Variants in TMEM267 observed in about 807,000 individuals in gnomAD.
TMEM267 encodes transmembrane protein C5orf28.
In TMEM267, 20 loss-of-function variants were observed where a neutral mutation model predicts 19.3. The observed-to-expected ratio is 1.04, with a 90% CI of 0.73 to 1.51. TMEM267 has a LOEUF of 1.51. Among genes scored for constraint, TMEM267 ranks in the 40% most tolerant of loss-of-function variants. The pLI is 0.00. For missense variants in TMEM267, 242 were observed against 261.9 expected, an observed-to-expected ratio of 0.92 and a Z score of 0.52; for synonymous variants, 88 against 90.3, an observed-to-expected ratio of 0.97 and a Z score of 0.15.
At chr5:43,461,382 A>G (rs1743251785) in intron 1 of TMEM267, among the ~76,000 whole-genome samples, 1 of 151,302 alleles carries the variant, frequency 6.6e-6, no homozygotes, top group African/African-American at 2.4e-5. Context: ...ATGGGAAAAA[A>G]CTCCCTCTGT....
chr5:43,476,336 C>G (rs1282632548), intron 1 of TMEM267: 1 of 152,118 alleles, frequency 6.6e-6, no homozygotes, highest in African/African-American at 2.4e-5. Context: ...CATCCACATC[C>G]AGTATCCCTG....
chr5:43,469,878 G>A lies in TMEM267; in HGVS notation c.-75+13944C>T, dbSNP rs142759604. On this transcript the variant is annotated intron_variant, in intron 1 of 2. Transcript: ENST00000397080. Reference sequence around the variant, plus strand: ...CAGTTCCACCCAATTTCACCCTGGCGATGTAAACGGATGGCTTATCTTCAC... The same window carrying A: ...CAGTTCCACCCAATTTCACCCTGGCAATGTAAACGGATGGCTTATCTTCAC... Among the ~76,000 whole-genome samples the A allele has an allele frequency of 8.7e-4, 133 of 152,254 alleles. 1 individual carries two copies. Among genetic ancestry groups the A allele is most frequent in the African/African-American group, 3.1e-3 (127 of 41,546 alleles).
intron 1 of TMEM267, among the ~76,000 whole-genome samples, chr5:43,470,823 A>C (rs1158090560): frequency 1.3e-5 from 2 of 152,184 alleles, no homozygotes; most frequent in Admixed American, 1.3e-4. Context: ...GGATGATATG[A>C]TCTTATATTT....
intron 1 of TMEM267, among the ~76,000 whole-genome samples, chr5:43,466,528 AG>A (rs1561193587): frequency 6.6e-6 from 1 of 152,230 alleles, no homozygotes; most frequent in East Asian, 1.9e-4. Context: ...CAGAAAGGAA[AG>A]GATGTTAATG....
At chr5:43,463,249 A>G (rs1205305053) in intron 1 of TMEM267, among the ~76,000 whole-genome samples, 3 of 152,228 alleles carry the variant, frequency 2.0e-5, no homozygotes, top group Non-Finnish European at 2.9e-5. Flanking sequence ...GAAGAAGTTG[A>G]ATCACTGAAT....
intron 1 of TMEM267, among the ~76,000 whole-genome samples, chr5:43,470,786 G>A (rs1328185017): frequency 2.0e-5 from 3 of 152,224 alleles, no homozygotes; most frequent in African/African-American, 7.2e-5. Context: ...AAATTGGAAA[G>A]GATGGAGTCA....
intron 1 of TMEM267, among the ~76,000 whole-genome samples, chr5:43,479,603 T>C (rs1744636839): frequency 8.8e-6 from 1 of 114,006 alleles, no homozygotes; most frequent in Admixed American, 8.1e-5. Context: ...ATCAAATTTA[T>C]TGTATAACAT....
At chr5:43,448,792 C>A (rs540076074) in intron 2 of TMEM267, among the ~76,000 whole-genome samples, 12 of 149,394 alleles carry the variant, frequency 8.0e-5, no homozygotes, top group African/African-American at 2.8e-4. Flanking sequence ...CAACCCCCCC[C>A]CACAAAAAAA....
At chr5:43,475,481 A>G (rs1420493660) in intron 1 of TMEM267, among the ~76,000 whole-genome samples, 1 of 152,188 alleles carries the variant, frequency 6.6e-6, no homozygotes, top group Non-Finnish European at 1.5e-5. Flanking sequence ...CTATGCAACA[A>G]ACCTGCACAT....
intron 1 of TMEM267, among the ~76,000 whole-genome samples, chr5:43,468,001 C>T (rs931490989): frequency 6.6e-6 from 1 of 151,862 alleles, no homozygotes; most frequent in East Asian, 1.9e-4. Context: ...AAAAATGCCA[C>T]ATTTTGAGAC....
chr5:43,459,277 T>C (rs1743120356), intron 1 of TMEM267, among the ~76,000 whole-genome samples: 2 of 152,110 alleles, frequency 1.3e-5, no homozygotes, highest in Non-Finnish European at 2.9e-5. Flanking sequence ...TAAAGAAAAT[T>C]TGATCAATAC....
Position 43,475,586 on chromosome 5 carries a change from T to C in TMEM267, c.-75+8236A>G, listed in dbSNP as rs185310585. On this transcript the variant is annotated intron_variant, in intron 1 of 2. Coordinates refer to ENST00000397080, the MANE Select transcript of TMEM267 (RefSeq NM_022483.5). ...ATCGTTTTGGCGGTTTTAATCAATG[T>C]AATGAGGAAAAAGAATAAAGGCAGG... is the stretch of plus-strand genomic sequence containing the variant. Among the ~76,000 whole-genome samples the C allele has an allele frequency of 2.0e-3, 307 of 151,982 alleles. 1 individual carries two copies. The highest frequency in any genetic ancestry group is 7.1e-3 in the African/African-American group (296 of 41,422).
chr5:43,460,072 A>G (rs1020321661), intron 1 of TMEM267, among the ~76,000 whole-genome samples: 6 of 152,212 alleles, frequency 3.9e-5, no homozygotes, highest in African/African-American at 7.2e-5. Context: ...TCTCATAAGA[A>G]GCACGTGACC....
intron 1 of TMEM267, among the ~76,000 whole-genome samples, chr5:43,479,472 C>A (rs1319345781): frequency 6.8e-6 from 1 of 147,392 alleles, no homozygotes; most frequent in African/African-American, 2.5e-5. Context: ...TAAAGTCAGT[C>A]TCTTAAAAGT....
intron 1 of TMEM267, chr5:43,479,970 A>C (rs1469040340): frequency 5.0e-6 from 2 of 398,310 alleles, no homozygotes; most frequent in Non-Finnish European, 9.7e-6. Flanking sequence ...TCTCCTTTAG[A>C]AAACAAACAT....
At chr5:43,463,333 T>G (rs1168614993) in intron 1 of TMEM267, among the ~76,000 whole-genome samples, 7 of 152,130 alleles carry the variant, frequency 4.6e-5, no homozygotes, top group South Asian at 2.1e-4. Context: ...GGACCAGATG[T>G]ATTCACAGCC....
At chr5:43,449,263 C>A (rs1038499070) in intron 2 of TMEM267, among the ~76,000 whole-genome samples, 1 of 151,922 alleles carries the variant, frequency 6.6e-6, no homozygotes, top group African/African-American at 2.4e-5. Flanking sequence ...CAGAGTAAGA[C>A]TCTGTCTCAA....
intron 1 of TMEM267, among the ~76,000 whole-genome samples, chr5:43,464,880 C>A (rs181809571): frequency 5.9e-5 from 9 of 152,326 alleles, no homozygotes; most frequent in Non-Finnish European, 1.3e-4. Flanking sequence ...CAATACCATT[C>A]AGGACACAGG....
At chr5:43,470,191 G>A (rs1166198926) in intron 1 of TMEM267, among the ~76,000 whole-genome samples, 1 of 152,158 alleles carries the variant, frequency 6.6e-6, no homozygotes, top group Non-Finnish European at 1.5e-5. Flanking sequence ...CCTCAAGGCT[G>A]GAGTGCAGTG....
Sources: gnomAD v4.1 joint callset for allele counts (sites outside exome capture counted in the v4.1 genomes callset) on GRCh38, gnomAD v4.1.1 for gene constraint, MANE v1.5 for transcripts, NCBI Gene and HGNC (gene_info 2026-07-23, HGNC 2026-07-21) for gene names.